The following C9 variants were observed in gnomAD, a reference collection of about 807,000 sequenced individuals.
C9 encodes the protein complement C9, also known as complement component C9.
C9 carries 63 observed loss-of-function variants against 65.4 expected under a neutral mutation model. That is an observed-to-expected ratio of 0.96 (90% CI 0.79 to 1.19). The LOEUF (loss-of-function observed/expected upper bound fraction) is 1.19, where lower values mean the gene tolerates loss of function less well. Among genes scored for constraint, C9 ranks in the 50% most tolerant of loss-of-function variants. C9 has a pLI of 0.00. For synonymous variants in C9, 229 were observed against 227.9 expected (o/e 1.00, Z -0.04); for missense variants, 744 against 670.1 (o/e 1.11, Z -1.22).
chr5:39,317,557 A>G (rs2927688), intron 5 of C9, among the ~76,000 whole-genome samples: 56,327 of 152,096 alleles, frequency 0.37, 11,821 homozygotes, highest in East Asian at 0.57. Context: ...AATTGTCTGC[A>G]TATGGCTAGC....
chr5:39,319,802 T>A (rs993800102), intron 5 of C9, among the ~76,000 whole-genome samples: 1 of 152,118 alleles, frequency 6.6e-6, no homozygotes, highest in African/African-American at 2.4e-5. Context: ...GTGGACCCAC[T>A]GGACCCAGGA....
In C9 at chr5:39,293,688, G is replaced by T. The variant is rs543705118; in HGVS notation, c.1417-4737C>A. On this transcript the variant is annotated intron_variant, in intron 9 of 10. Coordinates refer to ENST00000263408, the MANE Select transcript of C9 (RefSeq NM_001737.5). ...AATCCAAGAACACAGGATTTAAGCTGCACCATAGACCAAATGAACCTAACA... is the reference window on the plus strand; with the variant it reads ...AATCCAAGAACACAGGATTTAAGCTTCACCATAGACCAAATGAACCTAACA... Among the ~76,000 whole-genome samples the T allele has an allele frequency of 2.0e-5, 3 of 152,036 alleles. 1 individual carries two copies. Among genetic ancestry groups the T allele is most frequent in the South Asian group, 4.1e-4 (2 of 4,820 alleles).
At chr5:39,334,437 G>T (rs1318894803) in intron 4 of C9, among the ~76,000 whole-genome samples, 1 of 151,062 alleles carries the variant, frequency 6.6e-6, no homozygotes, top group Non-Finnish European at 1.5e-5. Flanking sequence ...TCTGAGAAGT[G>T]AGGAGCCCCT....
intron 9 of C9, among the ~76,000 whole-genome samples, chr5:39,299,813 T>C (rs1753251122): frequency 6.6e-6 from 1 of 152,108 alleles, no homozygotes; most frequent in Non-Finnish European, 1.5e-5. Context: ...TTACTTTACA[T>C]AAGTAATGTC....
At chr5:39,318,974 A>C (rs907221352) in intron 5 of C9, among the ~76,000 whole-genome samples, 1 of 152,166 alleles carries the variant, frequency 6.6e-6, no homozygotes, top group Non-Finnish European at 1.5e-5. Flanking sequence ...CAGCTGTTCC[A>C]CAACCCATGC....
At chr5:39,327,046 TA>T (rs1352012072) in intron 5 of C9, among the ~76,000 whole-genome samples, 3 of 151,902 alleles carry the variant, frequency 2.0e-5, no homozygotes, top group Non-Finnish European at 4.4e-5. Context: ...GCACGTATTA[TA>T]CAGCAAAATA....
At chr5:39,332,348 C>A (rs1338925808) in intron 4 of C9, among the ~76,000 whole-genome samples, 3 of 152,176 alleles carry the variant, frequency 2.0e-5, no homozygotes, top group African/African-American at 7.2e-5. Context: ...TCCCTCCAGG[C>A]TTATATTATT....
At chr5:39,322,260 G>T (rs1753677107) in intron 5 of C9, among the ~76,000 whole-genome samples, 1 of 151,838 alleles carries the variant, frequency 6.6e-6, no homozygotes, top group African/African-American at 2.4e-5. Context: ...ATAAGTCAAT[G>T]AAGAGATTAA....
At chr5:39,310,233 C>A (rs1248598477) in intron 7 of C9, among the ~76,000 whole-genome samples, 1 of 152,044 alleles carries the variant, frequency 6.6e-6, no homozygotes, top group Non-Finnish European at 1.5e-5. Context: ...CTTCACTTAA[C>A]ACCTGATACC....
chr5:39,299,402 AT>A (rs1156622281), intron 9 of C9, among the ~76,000 whole-genome samples: 1 of 152,134 alleles, frequency 6.6e-6, no homozygotes, highest in African/African-American at 2.4e-5. Context: ...TCACCAAAAA[AT>A]ATCCCCGTCT....
At chr5:39,333,361 T>G (rs968617417) in intron 4 of C9, among the ~76,000 whole-genome samples, 1 of 152,168 alleles carries the variant, frequency 6.6e-6, no homozygotes, top group African/African-American at 2.4e-5. Context: ...AGCATGGGAA[T>G]GAAGAGGCCT....
intron 4 of C9, among the ~76,000 whole-genome samples, chr5:39,340,482 C>A (rs1220250057): frequency 1.3e-5 from 2 of 152,172 alleles, no homozygotes. Flanking sequence ...CAGAATAGAA[C>A]CGAATCTCTC....
rs114945508 is a variant in C9, at chr5:39,350,479, T to C, written c.78-8283A>G. ...TTAACTAAAAAGTCCAAGTTGAAAG[T>C]TTCATCTGAGACAAGGCAAGTCCCT... On this transcript the variant is annotated intron_variant, in intron 1 of 10. Transcript: ENST00000263408. Among the ~76,000 whole-genome samples the C allele has an allele frequency of 7.9e-3, 1,207 of 152,274 alleles. 6 individuals are homozygous for C. Among genetic ancestry groups the C allele is most frequent in the South Asian group, 0.035 (167 of 4,826 alleles).
rs892411271 is a variant in C9 at position 39,364,033 on chromosome 5, G to T, written c.77+355C>A. 5.3e-5 allele frequency among the ~76,000 whole-genome samples: 8 copies of T among 152,304 alleles called. 1 individual carries two copies. The highest frequency in any genetic ancestry group is 3.9e-4 in the Admixed American group (6 of 15,294). ...AGGCATTGAAGCAGAGTGAGGGAAA[G>T]ATTAATTTCCTTAATTTTAAACTTC... On this transcript the variant is annotated intron_variant, in intron 1 of 10. Transcript: ENST00000263408.
chr5:39,349,622 C>G (rs1339252241), intron 1 of C9, among the ~76,000 whole-genome samples: 3 of 152,128 alleles, frequency 2.0e-5, no homozygotes, highest in Non-Finnish European at 4.4e-5. Flanking sequence ...TCCTACATCC[C>G]AACACTTCTC....
intron 4 of C9, among the ~76,000 whole-genome samples, chr5:39,333,164 T>A (rs546518625): frequency 2.9e-5 from 4 of 136,590 alleles, no homozygotes; most frequent in Non-Finnish European, 4.7e-5. Flanking sequence ...TTTATTTTTT[T>A]AAACACCTTA....
intron 1 of C9, among the ~76,000 whole-genome samples, chr5:39,358,893 G>T (rs1015882357): frequency 6.6e-6 from 1 of 151,410 alleles, no homozygotes; most frequent in Non-Finnish European, 1.5e-5. Flanking sequence ...GCTGAGACAG[G>T]AGAATGGCGT....
At chr5:39,335,012 T>G (rs1006624557) in intron 4 of C9, among the ~76,000 whole-genome samples, 10 of 148,404 alleles carry the variant, frequency 6.7e-5, no homozygotes, top group Non-Finnish European at 1.2e-4. Context: ...AAAAAAGAAA[T>G]AAACACTTAT....
intron 5 of C9, among the ~76,000 whole-genome samples, chr5:39,320,818 T>C (rs1381416819): frequency 2.0e-5 from 3 of 152,098 alleles, no homozygotes; most frequent in African/African-American, 7.2e-5. Flanking sequence ...TCACATAAGA[T>C]TACTAGCAGA....
Sources: allele counts gnomAD v4.1 joint callset (sites outside exome capture counted in the v4.1 genomes callset), GRCh38; gene constraint gnomAD v4.1.1; transcripts MANE v1.5; gene names NCBI Gene and HGNC (gene_info 2026-07-23, HGNC 2026-07-21).